RARB: variants seen among roughly 807,000 people sequenced by gnomAD.
RARB encodes the protein HBV-activated protein.
Under a neutral mutation model 51.9 loss-of-function variants are expected in RARB, and 17 were observed. The observed-to-expected ratio is 0.33, with a 90% CI of 0.22 to 0.49. The LOEUF is 0.49. Among genes scored for constraint, RARB ranks in the 20% least tolerant of loss-of-function variants. The pLI, the probability that RARB is intolerant of heterozygous loss-of-function variation, is 0.99. For missense variants in RARB, 369 were observed against 550.8 expected (o/e 0.67, Z 3.30); for synonymous variants, 215 against 195.4 (o/e 1.10, Z -0.84).
At chr3:25,122,634 T>C (rs570603740) in intron 3 of RARB, among the ~76,000 whole-genome samples, 194 of 152,270 alleles carry the variant, frequency 1.3e-3, no homozygotes, top group Admixed American at 2.5e-3. Flanking sequence ...GATATCACTT[T>C]CCTCATGTTC....
At chr3:24,940,195 T>G (rs978776367) in intron 2 of RARB, among the ~76,000 whole-genome samples, 2 of 152,158 alleles carry the variant, frequency 1.3e-5, no homozygotes, top group Admixed American at 1.3e-4. Context: ...GTGTGGCACA[T>G]CGTTTCATCT....
intron 5 of RARB, among the ~76,000 whole-genome samples, chr3:25,417,570 T>C (rs1191338896): frequency 6.6e-6 from 1 of 152,188 alleles, no homozygotes; most frequent in African/African-American, 2.4e-5. Flanking sequence ...TCTGCCACCA[T>C]GTGAGATGTG....
intron 5 of RARB, among the ~76,000 whole-genome samples, chr3:25,188,597 G>C (rs181153244): frequency 7.3e-4 from 111 of 152,144 alleles, no homozygotes; most frequent in Admixed American, 1.6e-3. Flanking sequence ...CTTTGAAAGC[G>C]GTATCATCTG....
At chr3:24,958,518 C>G (rs752285102) in intron 2 of RARB, among the ~76,000 whole-genome samples, 52 of 152,198 alleles carry the variant, frequency 3.4e-4, no homozygotes, top group African/African-American at 5.8e-4. Context: ...GCCTGCTGCT[C>G]TCTTTAGGTT....
At chr3:25,046,235 C>T (rs1698210994) in intron 2 of RARB, among the ~76,000 whole-genome samples, 1 of 152,190 alleles carries the variant, frequency 6.6e-6, no homozygotes, top group Admixed American at 6.5e-5. Context: ...GACTGATAAG[C>T]TCAAAGGCTT....
chr3:25,260,804 G>C (rs1161812144), intron 5 of RARB, among the ~76,000 whole-genome samples: 2 of 152,288 alleles, frequency 1.3e-5, no homozygotes, highest in East Asian at 1.9e-4. Flanking sequence ...CCTTAGGCAA[G>C]TTGATTAACT....
chr3:25,048,751 A>G (rs983778478), intron 2 of RARB, among the ~76,000 whole-genome samples: 1 of 76,946 alleles, frequency 1.3e-5, no homozygotes, highest in Non-Finnish European at 2.6e-5. Flanking sequence ...AATTAAGCCC[A>G]CTTTTTTTTT....
intron 3 of RARB, among the ~76,000 whole-genome samples, chr3:25,077,317 A>C (rs1698890822): frequency 6.6e-6 from 1 of 152,120 alleles, no homozygotes; most frequent in Non-Finnish European, 1.5e-5. Context: ...ATCAAGATAA[A>C]TTTCCATCCC....
intron 3 of RARB, among the ~76,000 whole-genome samples, chr3:25,092,345 G>A (rs1699213420): frequency 6.6e-6 from 1 of 152,028 alleles, no homozygotes; most frequent in Non-Finnish European, 1.5e-5. Flanking sequence ...CTTTTTGTTT[G>A]TTCATTTGTT....
chr3:25,075,441 G>A (rs960441207), intron 3 of RARB, among the ~76,000 whole-genome samples: 2 of 152,292 alleles, frequency 1.3e-5, no homozygotes, highest in African/African-American at 4.8e-5. Flanking sequence ...GCAGAAAGAT[G>A]GATGCTGAGC....
intron 5 of RARB, among the ~76,000 whole-genome samples, chr3:25,295,697 C>T (rs1257915830): frequency 5.3e-5 from 8 of 152,156 alleles, no homozygotes; most frequent in Admixed American, 2.0e-4. Context: ...TTCGATATGT[C>T]AGTGGCCCAC....
intron 5 of RARB, among the ~76,000 whole-genome samples, chr3:25,592,629 C>G (rs954969470): frequency 6.6e-6 from 1 of 152,192 alleles, no homozygotes; most frequent in Non-Finnish European, 1.5e-5. Flanking sequence ...GGGCAGTGAG[C>G]AAGAGTCTCC....
chr3:24,974,755 C>G (rs537392974), intron 2 of RARB, among the ~76,000 whole-genome samples: 2 of 152,242 alleles, frequency 1.3e-5, no homozygotes, highest in Non-Finnish European at 1.5e-5. Flanking sequence ...TGTAAACTTA[C>G]ATCTTTCTTA....
intron 5 of RARB, among the ~76,000 whole-genome samples, chr3:25,277,270 A>G (rs143720014): frequency 1.0e-3 from 156 of 152,296 alleles, no homozygotes; most frequent in Middle Eastern, 3.4e-3. Flanking sequence ...ACAAGAGCCA[A>G]TGAAGCCACC....
chr3:25,006,580 T>C, intron 2 of RARB, among the ~76,000 whole-genome samples: 1 of 152,192 alleles, frequency 6.6e-6, no homozygotes, highest in East Asian at 1.9e-4. Flanking sequence ...TTGAGGTAAA[T>C]CTGATACCTT....
At chr3:24,967,161 G>C (rs1696293979) in intron 2 of RARB, among the ~76,000 whole-genome samples, 2 of 152,094 alleles carry the variant, frequency 1.3e-5, no homozygotes, top group African/African-American at 2.4e-5. Context: ...GGCTTCCATA[G>C]TAATGGCCAG....
chr3:24,862,663 T>C (rs1320092265), intron 2 of RARB, among the ~76,000 whole-genome samples: 4 of 152,182 alleles, frequency 2.6e-5, no homozygotes, highest in African/African-American at 9.7e-5. Flanking sequence ...ATAGCATATA[T>C]AGGGTTTATA....
Position 25,429,343 on chromosome 3 carries a change from A to C in RARB, c.157+455A>C, listed in dbSNP as rs576270298. Among the ~76,000 whole-genome samples, 15 of 152,346 alleles carry C rather than the reference A, an allele frequency of 9.8e-5. No homozygotes were observed. The East Asian group carries it at 2.3e-3, about 24-fold the overall frequency. The stretch of plus-strand genomic sequence containing the variant: ...CACCCCTTGTGTATTCCAACAGTCC[A>C]AAGTAATTAAAATATGACATTTTCC... On this transcript the variant is annotated intron_variant, in intron 1 of 7. Transcript: ENST00000330688.
chr3:25,550,042 A>G (rs1668623028), intron 3 of RARB, among the ~76,000 whole-genome samples: 2 of 152,270 alleles, frequency 1.3e-5, no homozygotes, highest in South Asian at 4.2e-4. Context: ...TTCAAATATC[A>G]TTGCCTGATA....
Sources: allele counts gnomAD v4.1 joint callset (sites outside exome capture counted in the v4.1 genomes callset), GRCh38; gene constraint gnomAD v4.1.1; transcripts MANE v1.5; gene names NCBI Gene and HGNC (gene_info 2026-07-23, HGNC 2026-07-21).